The following SIM1 variants were observed in gnomAD, a reference collection of about 807,000 sequenced individuals.
SIM1 encodes the protein single-minded homolog 1.
SIM1 carries 18 observed loss-of-function variants against 78.2 expected under a neutral mutation model. The ratio of observed to expected loss-of-function variants is 0.23; its 90% CI spans 0.16 to 0.34. SIM1 has a LOEUF of 0.34. SIM1 is among the 10% of genes least tolerant of loss of function. The pLI is 1.00. For missense variants in SIM1, 939 were observed against 975.1 expected, an observed-to-expected ratio of 0.96 and a Z score of 0.49; for synonymous variants, 417 against 385.2, an observed-to-expected ratio of 1.08 and a Z score of -0.97.
intron 2 of SIM1, among the ~76,000 whole-genome samples, chr6:100,455,706 C>T (rs1224184241): frequency 6.6e-6 from 1 of 152,202 alleles, no homozygotes; most frequent in African/African-American, 2.4e-5. Context: ...GGCCGGGGCA[C>T]TCGAGCGAGC....
chr6:100,412,701 AAG>A (rs755602344), intron 10 of SIM1, among the ~76,000 whole-genome samples: 3 of 126,016 alleles, frequency 2.4e-5, no homozygotes, highest in African/African-American at 9.7e-5. Flanking sequence ...GAAAGAAAGA[AAG>A]AAAGAAAGAA....
intron 2 of SIM1, 102 bp from the exon 3 acceptor site, chr6:100,453,946 A>G: frequency 1.3e-6 from 1 of 745,552 alleles, no homozygotes. Context: ...GGCCCCTTTG[A>G]CTGGATACCA....
At chr6:100,458,094 C>T (rs554146854) in intron 2 of SIM1, among the ~76,000 whole-genome samples, 82 of 150,206 alleles carry the variant, frequency 5.5e-4, no homozygotes, top group African/African-American at 2.0e-3. Context: ...CTCCAGCCCT[C>T]GAGTTTGGGC....
At chr6:100,392,887 A>G (rs907032211) in intron 11 of SIM1, among the ~76,000 whole-genome samples, 7 of 152,248 alleles carry the variant, frequency 4.6e-5, no homozygotes, top group Admixed American at 1.3e-4. Context: ...CGACGTGTTT[A>G]TAAAGCCATG....
intron 9 of SIM1, among the ~76,000 whole-genome samples, chr6:100,433,600 G>A (rs1421728744): frequency 6.6e-6 from 1 of 151,754 alleles, no homozygotes; most frequent in Non-Finnish European, 1.5e-5. Flanking sequence ...CAGGTGTGGT[G>A]GCACATGCAT....
chr6:100,435,025 T>C (rs189825665), intron 9 of SIM1, among the ~76,000 whole-genome samples: 1 of 152,262 alleles, frequency 6.6e-6, no homozygotes, highest in Admixed American at 6.5e-5. Flanking sequence ...ATAAAATAAT[T>C]TTCTGTGGGT....
chr6:100,433,860 A>C (rs1771971762), intron 9 of SIM1, among the ~76,000 whole-genome samples: 1 of 151,998 alleles, frequency 6.6e-6, no homozygotes, highest in Non-Finnish European at 1.5e-5. Context: ...CTGTAGCCCT[A>C]CCAGGGCCTG....
intron 10 of SIM1, among the ~76,000 whole-genome samples, chr6:100,398,776 A>T (rs1014779676): frequency 6.6e-6 from 1 of 152,074 alleles, no homozygotes; most frequent in African/African-American, 2.4e-5. Flanking sequence ...CCTTTAGGGT[A>T]TATTACCAGA....
intron 11 of SIM1, among the ~76,000 whole-genome samples, 166 bp from the exon 12 acceptor site, chr6:100,391,257 T>C (rs972558123): frequency 6.6e-6 from 1 of 152,240 alleles, no homozygotes; most frequent in Admixed American, 6.5e-5. Context: ...CACATGACAC[T>C]CTATGTGTCA....
intron 3 of SIM1, among the ~76,000 whole-genome samples, chr6:100,450,975 G>A (rs1772500401): frequency 6.6e-6 from 1 of 152,234 alleles, no homozygotes; most frequent in South Asian, 2.1e-4. Context: ...GTATGTGTGT[G>A]TAAGTTTACA....
intron 10 of SIM1, among the ~76,000 whole-genome samples, chr6:100,411,300 C>T (rs1186007071): frequency 1.3e-5 from 2 of 152,050 alleles, no homozygotes; most frequent in Non-Finnish European, 2.9e-5. Context: ...GTACTGGAGA[C>T]GACAGTGAGG....
intron 10 of SIM1, among the ~76,000 whole-genome samples, chr6:100,395,397 A>G (rs1462114933): frequency 6.6e-6 from 1 of 152,244 alleles, no homozygotes; most frequent in East Asian, 1.9e-4. Context: ...AAGATGACAC[A>G]GCCACCTCAC....
intron 10 of SIM1, among the ~76,000 whole-genome samples, chr6:100,408,727 G>A (rs975182077): frequency 6.6e-6 from 1 of 151,982 alleles, no homozygotes; most frequent in Non-Finnish European, 1.5e-5. Flanking sequence ...TTGATTTGTG[G>A]ATGGAACCAA....
rs766838681 is a variant in SIM1, at chr6:100,420,951, C to T, written c.1006G>A (p.Glu336Lys). ...AGGGAGAGCTGCAGCCCTTTGTATT[C>T]TGTGTCTCTGCAGGGTGGGAGGACA... ...VSVNYVLTDTEYKGLQLSLDQ... is the reference protein window; with the variant it reads ...VSVNYVLTDTKYKGLQLSLDQ... Residue 336 changes from glutamate (E) to lysine (K), a missense_variant, in exon 10 of 12, where the codon GAA becomes AAA. This residue lies in a region of SIM1 where 66 missense variants were observed against 108.4 expected (regional missense o/e 0.61). Coordinates refer to ENST00000369208, the MANE Select transcript of SIM1 (RefSeq NM_005068.3). The T allele has an allele frequency of 1.2e-6, 2 of 1,613,228 alleles. No individual in the cohort carries two copies. The highest frequency in any genetic ancestry group is 1.7e-6 in the Non-Finnish European group (2 of 1,179,722).
At chr6:100,424,911 C>T (rs714378) in intron 9 of SIM1, among the ~76,000 whole-genome samples, 31,890 of 152,150 alleles carry the variant, frequency 0.21, 3,870 homozygotes, top group East Asian at 0.58. Flanking sequence ...GTGATTACAA[C>T]ACATTTCATT....
intron 2 of SIM1, among the ~76,000 whole-genome samples, chr6:100,456,088 G>A (rs898807498): frequency 4.0e-5 from 6 of 151,802 alleles, no homozygotes; most frequent in South Asian, 2.1e-4. Flanking sequence ...CCTTCCCGGA[G>A]GTTTGCCTTC....
chr6:100,458,731 T>A (rs539645204), intron 2 of SIM1, among the ~76,000 whole-genome samples: 7 of 152,024 alleles, frequency 4.6e-5, no homozygotes, highest in African/African-American at 1.7e-4. Flanking sequence ...GACCTCGACA[T>A]GATTGTCCCC....
rs192688417 is a variant in SIM1, at chr6:100,396,632, A to T, written c.1168-2743T>A. Among the ~76,000 whole-genome samples, 8 of 152,278 alleles carry T rather than the reference A, an allele frequency of 5.3e-5. No individual in the cohort carries two copies. The East Asian group carries it at 1.4e-3, about 26-fold the overall frequency. Reference sequence around the variant, plus strand: ...CAAGACCTCACACTGCTTAGGAGATACAGAGGAAAAGCCTCACAGTAAACC... The same window carrying T: ...CAAGACCTCACACTGCTTAGGAGATTCAGAGGAAAAGCCTCACAGTAAACC... On this transcript the variant is annotated intron_variant, in intron 10 of 11. Coordinates refer to ENST00000369208, the MANE Select transcript of SIM1 (RefSeq NM_005068.3).
rs1397251553 is a variant in SIM1 at position 100,389,880 on chromosome 6, ATG to A, written c.*479_*480del. Reference sequence around the variant, plus strand: ...TCTCTCTTTCTCAGTTATTTTGGGAATGGAAATTTCGTTAAGAAGTTTAGTGT... The same window carrying A: ...TCTCTCTTTCTCAGTTATTTTGGGAAGAAATTTCGTTAAGAAGTTTAGTGT... On this transcript the variant is annotated 3_prime_UTR_variant, in exon 12 of 12. Transcript: ENST00000369208. The A allele has an allele frequency of 1.0e-5, 4 of 397,514 alleles. No individual in the cohort carries two copies. Among genetic ancestry groups the A allele is most frequent in the African/African-American group, 8.2e-5 (4 of 48,608 alleles). 24.6% of individuals were successfully genotyped at this position (397,514 alleles called of 1,614,324 possible).
Sources: gnomAD v4.1 joint callset for allele counts (sites outside exome capture counted in the v4.1 genomes callset) on GRCh38, gnomAD v4.1.1 for gene constraint, gnomAD v4.1.1 regional missense constraint, MANE v1.5 for transcripts, NCBI Gene and HGNC (gene_info 2026-07-23, HGNC 2026-07-21) for gene names.